CTSS: variants seen among roughly 807,000 people sequenced by gnomAD.
CTSS encodes cathepsin S.
CTSS carries 15 observed loss-of-function variants against 39.9 expected under a neutral mutation model. The ratio of observed to expected loss-of-function variants is 0.38; its 90% CI spans 0.25 to 0.58. The LOEUF is 0.58. Among genes scored for constraint, CTSS ranks in the 20% least tolerant of loss-of-function variants. CTSS has a pLI of 0.70. For missense variants in CTSS, 250 were observed against 398.2 expected (o/e 0.63, Z 3.17); for synonymous variants, 126 against 138.2 (o/e 0.91, Z 0.62).
chr1:150,758,976 G>T (rs1465771313), intron 2 of CTSS, among the ~76,000 whole-genome samples: 1 of 150,408 alleles, frequency 6.6e-6, no homozygotes, highest in Non-Finnish European at 1.5e-5. Flanking sequence ...AGCTGCCCGA[G>T]TAGCTAGGAC....
chr1:150,764,862 A>T, intron 1 of CTSS, 98 bp from the exon 2 acceptor site: 1 of 1,380,152 alleles, frequency 7.2e-7, no homozygotes, highest in Non-Finnish European at 1.0e-6. Flanking sequence ...AAGTCTATCA[A>T]AGGGACAGAC....
At chr1:150,745,151 C>T (rs1341780959) in intron 7 of CTSS, among the ~76,000 whole-genome samples, 1 of 152,030 alleles carries the variant, frequency 6.6e-6, no homozygotes, top group Non-Finnish European at 1.5e-5. Flanking sequence ...GGTAGGAAAG[C>T]ACCTTTTGTT....
At chr1:150,763,403 ATGTAT>A (rs1653304137) in intron 2 of CTSS, among the ~76,000 whole-genome samples, 1 of 152,264 alleles carries the variant, frequency 6.6e-6, no homozygotes, top group Middle Eastern at 3.4e-3. Context: ...AATAATAATA[ATGTAT>A]TTTATATGTC....
At chr1:150,763,737 C>T (rs962122864) in intron 2 of CTSS, among the ~76,000 whole-genome samples, 2 of 152,118 alleles carry the variant, frequency 1.3e-5, no homozygotes, top group Non-Finnish European at 2.9e-5. Flanking sequence ...GGGTTAAGGT[C>T]TTAACATCAG....
intron 4 of CTSS, 58 bp downstream of exon 4, chr1:150,754,943 G>A: frequency 6.5e-7 from 1 of 1,540,536 alleles, no homozygotes; most frequent in Admixed American, 1.9e-5. Flanking sequence ...TCTGTAGCTA[G>A]ACTAAGCATT....
At chr1:150,755,697 G>T (rs1227347432) in intron 3 of CTSS, among the ~76,000 whole-genome samples, 7 of 151,778 alleles carry the variant, frequency 4.6e-5, no homozygotes, top group Admixed American at 3.9e-4. Flanking sequence ...CTGAGATCGC[G>T]CCAGTGCACT....
intron 7 of CTSS, among the ~76,000 whole-genome samples, chr1:150,738,353 A>G (rs765795649): frequency 6.6e-6 from 1 of 152,218 alleles, no homozygotes; most frequent in Non-Finnish European, 1.5e-5. Context: ...GCAACCCTGC[A>G]TGGAGCAAGT....
intron 4 of CTSS, among the ~76,000 whole-genome samples, chr1:150,752,853 C>CT (rs199703714): frequency 7.9e-5 from 12 of 151,768 alleles, no homozygotes; most frequent in Admixed American, 2.6e-4. Flanking sequence ...CCATTTACTT[C>CT]TTTTTGTTTG....
chr1:150,757,713 T>C, intron 3 of CTSS, 145 bp downstream of exon 3: 1 of 660,048 alleles, frequency 1.5e-6, no homozygotes. Context: ...GTACACGTTC[T>C]TACGTCCTTC....
intron 4 of CTSS, 130 bp from the exon 5 acceptor site, chr1:150,752,138 A>G: frequency 1.2e-6 from 1 of 846,910 alleles, no homozygotes; most frequent in Non-Finnish European, 1.8e-6. Flanking sequence ...CCCCCACTAC[A>G]GTTTCCTTCT....
intron 3 of CTSS, 46 bp downstream of exon 3, chr1:150,757,809 AATG>A: frequency 6.3e-7 from 1 of 1,585,894 alleles, no homozygotes; most frequent in Non-Finnish European, 8.6e-7. Context: ...ACAGAAAGGA[AATG>A]ATATTTACCC....
intron 6 of CTSS, 149 bp from the exon 7 acceptor site, chr1:150,748,028 A>C: frequency 3.5e-6 from 2 of 565,816 alleles, no homozygotes; most frequent in Non-Finnish European, 6.2e-6. Context: ...ATGGTGGCTC[A>C]TGCCTGTAAT....
chr1:150,751,505 T>C (rs1439713501), intron 5 of CTSS, among the ~76,000 whole-genome samples: 1 of 152,056 alleles, frequency 6.6e-6, no homozygotes, highest in Non-Finnish European at 1.5e-5. Flanking sequence ...ACCTCGGCCT[T>C]CCAAAGTGCT....
intron 4 of CTSS, among the ~76,000 whole-genome samples, chr1:150,752,776 G>A (rs1329711314): frequency 3.3e-5 from 5 of 152,102 alleles, no homozygotes; most frequent in African/African-American, 9.7e-5. Flanking sequence ...AGAGAACCTC[G>A]GGTAAGAAAT....
intron 6 of CTSS, among the ~76,000 whole-genome samples, chr1:150,748,443 C>T (rs781587972): frequency 2.0e-5 from 3 of 152,114 alleles, no homozygotes; most frequent in Non-Finnish European, 2.9e-5. Flanking sequence ...AAGCACACCA[C>T]CTTTTTCTAA....
chr1:150,746,797 G>A (rs1411099319), intron 7 of CTSS, among the ~76,000 whole-genome samples: 1 of 152,184 alleles, frequency 6.6e-6, no homozygotes, highest in African/African-American at 2.4e-5. Flanking sequence ...TATAACCAGA[G>A]TGAAAATAGG....
rs1276694130 is a variant in CTSS, at chr1:150,730,883, T to A, written c.*2163A>T. On this transcript the variant is annotated 3_prime_UTR_variant, in exon 8 of 8. Coordinates refer to ENST00000368985, the MANE Select transcript of CTSS (RefSeq NM_004079.5). ...TGCATTTATAAAGAAGCATGCATAT[T>A]AATATATAACAAACTTATCTTTTAA... 1 of 130,082 alleles carries A rather than the reference T, an allele frequency of 7.7e-6. No individual in the cohort carries two copies. The highest frequency in any genetic ancestry group is 1.7e-5 in the Non-Finnish European group (1 of 57,308). 8.1% of individuals were successfully genotyped at this position (130,082 alleles called of 1,614,324 possible).
rs905593278 is a variant in CTSS, at chr1:150,757,707, A to G, written c.249+151T>C. On this transcript the variant is annotated intron_variant, in intron 3 of 7. Transcript: ENST00000368985. ...AGAACTAAGTAAGAAATTTCTGTAC[A>G]CGTTCTTACGTCCTTCAATTCTACT... 4.3e-5 allele frequency: 26 copies of G among 597,784 alleles called. No homozygotes were observed. The East Asian group carries it at 6.8e-4, about 16-fold the overall frequency. The allele number at this position is 597,784 out of a possible 1,614,324, so 37.0% of individuals were successfully genotyped here.
At chr1:150,746,829 G>A (rs1652905027) in intron 7 of CTSS, among the ~76,000 whole-genome samples, 1 of 152,182 alleles carries the variant, frequency 6.6e-6, no homozygotes, top group East Asian at 1.9e-4. Context: ...GCCAGGAGGT[G>A]AGGCTGGCAA....
Sources: allele counts gnomAD v4.1 joint callset (sites outside exome capture counted in the v4.1 genomes callset), GRCh38; gene constraint gnomAD v4.1.1; transcripts MANE v1.5; gene names NCBI Gene and HGNC (gene_info 2026-07-23, HGNC 2026-07-21).